The following DIP2C variants were observed in gnomAD, a reference collection of about 807,000 sequenced individuals.
The protein encoded by DIP2C is DIP2 acetate--CoA ligase C (putative), also known as disco-interacting protein 2 homolog C.
A neutral mutation model predicts 192.4 loss-of-function variants in DIP2C; 33 were observed. The ratio of observed to expected loss-of-function variants is 0.17; its 90% confidence interval spans 0.13 to 0.23. The LOEUF is 0.23. Ranked by LOEUF, DIP2C falls within the 10% of genes least tolerant of loss-of-function variation. The pLI is 1.00. For synonymous variants in DIP2C, 979 were observed against 864.1 expected, an observed-to-expected ratio of 1.13 and a Z score of -2.33; for missense variants, 1,537 against 2,110.1, an observed-to-expected ratio of 0.73 and a Z score of 5.32.
intron 32 of DIP2C, among the ~76,000 whole-genome samples, chr10:308,043 CA>C (rs138336735): frequency 0.14 from 18,135 of 129,946 alleles, 1,713 homozygotes; most frequent in African/African-American, 0.27. Context: ...AGGGAGGGTT[CA>C]GGGGTGCCTG....
rs565499094 is a variant in DIP2C, at chr10:352,261, A to T, written c.2986-2807T>A. Among the ~76,000 whole-genome samples, 20 of 152,362 alleles carry T rather than the reference A, an allele frequency of 1.3e-4. No individual in the cohort carries two copies. The South Asian group carries it at 4.1e-3, about 32-fold the overall frequency. ...AGATGAGACACAGCCAGCAGCCAAG[A>T]GTGTCTTTGAAAATGTTTTGATTCT... On this transcript the variant is annotated intron_variant, in intron 24 of 36. Coordinates refer to ENST00000280886, the MANE Select transcript of DIP2C (RefSeq NM_014974.3).
At chr10:581,103 T>A (rs1361607286) in intron 1 of DIP2C, among the ~76,000 whole-genome samples, 1 of 152,216 alleles carries the variant, frequency 6.6e-6, no homozygotes, top group Non-Finnish European at 1.5e-5. Context: ...CTAGGAGCGA[T>A]GTCTGGCAGA....
At chr10:639,263 C>T (rs545359303) in intron 1 of DIP2C, among the ~76,000 whole-genome samples, 16 of 145,946 alleles carry the variant, frequency 1.1e-4, no homozygotes, top group South Asian at 4.4e-4. Context: ...GGGTGCTGCC[C>T]GGCTCACGGT....
At chr10:439,814 G>T (rs1447517129) in intron 4 of DIP2C, among the ~76,000 whole-genome samples, 1 of 152,054 alleles carries the variant, frequency 6.6e-6, no homozygotes, top group Non-Finnish European at 1.5e-5. Flanking sequence ...CCAAGACCAA[G>T]CTAAACTTCA....
intron 1 of DIP2C, among the ~76,000 whole-genome samples, chr10:521,598 G>A (rs947873461): frequency 6.6e-6 from 1 of 152,184 alleles, no homozygotes; most frequent in Non-Finnish European, 1.5e-5. Flanking sequence ...TATCCTGGCA[G>A]TGCTCAAGCT....
At chr10:600,884 T>C (rs1001659748) in intron 1 of DIP2C, among the ~76,000 whole-genome samples, 2 of 148,590 alleles carry the variant, frequency 1.3e-5, no homozygotes, top group South Asian at 2.1e-4. Context: ...TGTAACAAAG[T>C]TGGATAATTA....
At chr10:337,736 T>TGC (rs1957922365) in intron 29 of DIP2C, among the ~76,000 whole-genome samples, 1 of 85,452 alleles carries the variant, frequency 1.2e-5, no homozygotes. Flanking sequence ...TGTGTGTGTG[T>TGC]TGTGGAGGAC....
chr10:596,076 A>G (rs969537948), intron 1 of DIP2C, among the ~76,000 whole-genome samples: 7 of 152,318 alleles, frequency 4.6e-5, no homozygotes, highest in Admixed American at 3.3e-4. Context: ...GCTCAAACGG[A>G]TAACTCCTTC....
At chr10:468,817 T>G (rs1970414682) in intron 3 of DIP2C, among the ~76,000 whole-genome samples, 1 of 152,128 alleles carries the variant, frequency 6.6e-6, no homozygotes, top group Non-Finnish European at 1.5e-5. Flanking sequence ...TTTTAAAAAC[T>G]ACAACGGCAT....
At chr10:436,667 T>C (rs1234146006) in intron 4 of DIP2C, among the ~76,000 whole-genome samples, 1 of 146,056 alleles carries the variant, frequency 6.8e-6, no homozygotes, top group Non-Finnish European at 1.5e-5. Flanking sequence ...ACCTGAGCTC[T>C]CTCCAAGCTC....
chr10:314,621 G>A (rs574305131), intron 31 of DIP2C, among the ~76,000 whole-genome samples: 6 of 152,326 alleles, frequency 3.9e-5, no homozygotes, highest in Non-Finnish European at 8.8e-5. Flanking sequence ...GCATCAGGAC[G>A]AGGCTGGGTC....
intron 1 of DIP2C, among the ~76,000 whole-genome samples, chr10:605,645 C>G (rs1414138002): frequency 6.6e-6 from 1 of 152,204 alleles, no homozygotes; most frequent in East Asian, 1.9e-4. Flanking sequence ...CTGACGCCTG[C>G]CTGAACATTT....
At chr10:639,632 C>T (rs954847847) in intron 1 of DIP2C, among the ~76,000 whole-genome samples, 1 of 152,240 alleles carries the variant, frequency 6.6e-6, no homozygotes, top group African/African-American at 2.4e-5. Flanking sequence ...ATGGCAAGCT[C>T]GCCTTGGAGG....
intron 17 of DIP2C, among the ~76,000 whole-genome samples, chr10:380,660 A>T (rs913659925): frequency 6.6e-6 from 1 of 152,216 alleles, no homozygotes; most frequent in African/African-American, 2.4e-5. Flanking sequence ...ATAAGGAGTA[A>T]ATAAAATGAG....
chr10:376,302 G>A (rs142904035), intron 17 of DIP2C, among the ~76,000 whole-genome samples: 6 of 135,194 alleles, frequency 4.4e-5, no homozygotes, highest in East Asian at 2.2e-4. Context: ...GGCCCCCGAC[G>A]GAGCCGGCAG....
intron 1 of DIP2C, among the ~76,000 whole-genome samples, chr10:536,424 T>A (rs536633681): frequency 1.4e-4 from 21 of 151,956 alleles, no homozygotes; most frequent in Non-Finnish European, 2.6e-4. Context: ...CTGTTCCCCA[T>A]AGGGACGTCA....
At chr10:596,724 G>A (rs991807084) in intron 1 of DIP2C, among the ~76,000 whole-genome samples, 2 of 152,090 alleles carry the variant, frequency 1.3e-5, no homozygotes, top group African/African-American at 2.4e-5. Context: ...GCGGGAAGTG[G>A]AACTGGCTTC....
intron 3 of DIP2C, among the ~76,000 whole-genome samples, chr10:464,564 A>AGT (rs1358272584): frequency 2.0e-5 from 3 of 151,758 alleles, no homozygotes; most frequent in African/African-American, 4.8e-5. Flanking sequence ...ATTGTGGAAG[A>AGT]GTGTGGTGAT....
chr10:307,924 C>T (rs781079194), intron 32 of DIP2C, among the ~76,000 whole-genome samples: 78 of 143,248 alleles, frequency 5.4e-4, no homozygotes, highest in Non-Finnish European at 1.1e-3. Context: ...AGCAGGGAGG[C>T]TTTGGGGGTG....
Sources: gnomAD v4.1 joint callset for allele counts (sites outside exome capture counted in the v4.1 genomes callset) on GRCh38, gnomAD v4.1.1 for gene constraint, MANE v1.5 for transcripts, NCBI Gene and HGNC (gene_info 2026-07-23, HGNC 2026-07-21) for gene names.